SLC16A2: variants seen among roughly 807,000 people sequenced by gnomAD.
SLC16A2 encodes the protein solute carrier family 16 member 2.
Under a neutral mutation model 27.2 loss-of-function variants are expected in SLC16A2, and 3 were observed. The ratio of observed to expected loss-of-function variants is 0.11; its 90% confidence interval spans 0.05 to 0.28. The LOEUF (loss-of-function observed/expected upper bound fraction) is 0.28. Among genes scored for constraint, SLC16A2 ranks in the 10% least tolerant of loss-of-function variants. The probability of loss-of-function intolerance (pLI) is 1.00; values close to 1 mark genes in which losing one functional copy is unlikely to be tolerated. For missense variants in SLC16A2, 295 were observed against 458.5 expected (o/e 0.64, Z 3.26); for synonymous variants, 202 against 187.8 (o/e 1.08, Z -0.62).
chrX:74,446,964 C>A (rs962064629), intron 1 of SLC16A2, among the ~76,000 whole-genome samples: 7 of 112,425 alleles, frequency 6.2e-5, no homozygotes, highest in Non-Finnish European at 1.1e-4. Context: ...CCTTTAGGTT[C>A]AACCTCCTGC....
intron 1 of SLC16A2, among the ~76,000 whole-genome samples, chrX:74,512,010 C>T (rs898548319): frequency 8.9e-6 from 1 of 111,890 alleles, no homozygotes; most frequent in Non-Finnish European, 1.9e-5. Flanking sequence ...CAGCTGACCC[C>T]TGAAGTGCCT....
chrX:74,526,059 G>T (rs1930483597), intron 4 of SLC16A2, among the ~76,000 whole-genome samples, 166 bp downstream of exon 4: 1 of 112,273 alleles, frequency 8.9e-6, no homozygotes, highest in Non-Finnish European at 1.9e-5. Flanking sequence ...AATCATCCTT[G>T]TTCTGCCTCT....
intron 1 of SLC16A2, among the ~76,000 whole-genome samples, chrX:74,448,393 G>A (rs1012421107): frequency 1.9e-5 from 2 of 105,713 alleles, no homozygotes; most frequent in Non-Finnish European, 3.9e-5. Flanking sequence ...GAAAGTAAGG[G>A]CAGAGCATGT....
At chrX:74,451,469 T>C (rs1022124724) in intron 1 of SLC16A2, among the ~76,000 whole-genome samples, 1 of 112,469 alleles carries the variant, frequency 8.9e-6, no homozygotes, top group African/African-American at 3.2e-5. Flanking sequence ...TCTGACTGTG[T>C]GAGATTATTC....
intron 1 of SLC16A2, among the ~76,000 whole-genome samples, chrX:74,504,478 T>C (rs1276626046): frequency 8.9e-6 from 1 of 112,082 alleles, no homozygotes; most frequent in Admixed American, 9.5e-5. Flanking sequence ...TTTGCCCTAC[T>C]GAGGGCCTGG....
chrX:74,484,648 T>C (rs1929683103), intron 1 of SLC16A2, among the ~76,000 whole-genome samples: 1 of 112,208 alleles, frequency 8.9e-6, no homozygotes. Flanking sequence ...GAGGAGGAAG[T>C]CCATTCAGAT....
chrX:74,520,891 T>A, intron 1 of SLC16A2, 99 bp from the exon 2 acceptor site: 3 of 968,335 alleles, frequency 3.1e-6, no homozygotes, highest in Non-Finnish European at 4.4e-6. Context: ...ACCAATGCAA[T>A]GCCCCCTGTG....
chrX:74,480,334 G>C (rs1280196214), intron 1 of SLC16A2, among the ~76,000 whole-genome samples: 3 of 112,685 alleles, frequency 2.7e-5, no homozygotes, highest in Non-Finnish European at 3.8e-5. Context: ...CATTGGAAAA[G>C]TGCAGTATTA....
In SLC16A2 at chrX:74,531,269, G is replaced by T. The variant is rs977250228; in HGVS notation, c.1400-64G>T. 6 of 992,839 alleles carry T rather than the reference G, an allele frequency of 6.0e-6. No individual in the cohort carries two copies. The Admixed American group carries it at 1.1e-4, about 18-fold the overall frequency. 81.8% of individuals were successfully genotyped at this position (992,839 alleles called of 1,213,427 possible). On this transcript the variant is annotated intron_variant, in intron 5 of 5. Transcript: ENST00000587091. The stretch of plus-strand genomic sequence containing the variant: ...GGCACTGTGATGGCCCCTAGAACGG[G>T]CTGAGAGTACCTTTGGACAGTAGGG...
intron 3 of SLC16A2, among the ~76,000 whole-genome samples, chrX:74,525,040 G>T (rs1930469271): frequency 8.9e-6 from 1 of 111,847 alleles, no homozygotes; most frequent in Non-Finnish European, 1.9e-5. Context: ...ATGGACCATG[G>T]CTTCTCCCAC....
At position 74,477,730 on chromosome X, in the gene SLC16A2, C is replaced by T. The variant is rs937722046; in HGVS notation, c.431-43260C>T. Reference sequence around the variant, plus strand: ...AACATCTTTATTTCTGCCTTCATTTCGTTATGTACCCAGTAGTCATTCAGG... The same window carrying T: ...AACATCTTTATTTCTGCCTTCATTTTGTTATGTACCCAGTAGTCATTCAGG... On this transcript the variant is annotated intron_variant, in intron 1 of 5. Coordinates refer to ENST00000587091, the MANE Select transcript of SLC16A2 (RefSeq NM_006517.5). Among the ~76,000 whole-genome samples the T allele has an allele frequency of 2.2e-4, 25 of 111,877 alleles. No individual in the cohort carries two copies. The East Asian group carries it at 3.1e-3, about 14-fold the overall frequency.
intron 1 of SLC16A2, among the ~76,000 whole-genome samples, chrX:74,438,661 G>T (rs753659560): frequency 8.9e-6 from 1 of 112,375 alleles, no homozygotes; most frequent in Non-Finnish European, 1.9e-5. Flanking sequence ...TAGCCTCATA[G>T]CTGTACAGGT....
intron 1 of SLC16A2, among the ~76,000 whole-genome samples, chrX:74,446,206 T>C (rs1225962940): frequency 1.8e-5 from 2 of 111,208 alleles, no homozygotes; most frequent in African/African-American, 6.6e-5. Context: ...TCTGTCCAAG[T>C]CTAGAATTCC....
At chrX:74,443,274 G>T (rs1224632748) in intron 1 of SLC16A2, among the ~76,000 whole-genome samples, 4 of 111,424 alleles carry the variant, frequency 3.6e-5, no homozygotes, top group East Asian at 5.6e-4. Context: ...CTCTCAAGCC[G>T]AGGGTCATCT....
At chrX:74,438,520 A>C (rs1184512919) in intron 1 of SLC16A2, among the ~76,000 whole-genome samples, 1 of 112,802 alleles carries the variant, frequency 8.9e-6, no homozygotes, top group Non-Finnish European at 1.9e-5. Flanking sequence ...TGACACAGAC[A>C]ATTAAAAGTG....
chrX:74,507,024 C>T (rs1337893035), intron 1 of SLC16A2, among the ~76,000 whole-genome samples: 1 of 108,100 alleles, frequency 9.3e-6, no homozygotes, highest in Non-Finnish European at 1.9e-5. Flanking sequence ...CCTCGATCTC[C>T]TGCTCAAGCG....
At chrX:74,503,816 C>A (rs1307021377) in intron 1 of SLC16A2, among the ~76,000 whole-genome samples, 1 of 112,108 alleles carries the variant, frequency 8.9e-6, no homozygotes, top group East Asian at 2.8e-4. Context: ...GGATTGGATG[C>A]CAACTCTACC....
At chrX:74,446,515 G>A (rs192722643) in intron 1 of SLC16A2, among the ~76,000 whole-genome samples, 1 of 111,561 alleles carries the variant, frequency 9.0e-6, no homozygotes, top group East Asian at 2.8e-4. Context: ...CACCTACTTA[G>A]GAGGCTGAGG....
At chrX:74,465,733 G>T (rs1163426410) in intron 1 of SLC16A2, among the ~76,000 whole-genome samples, 1 of 111,525 alleles carries the variant, frequency 9.0e-6, no homozygotes, top group East Asian at 2.8e-4. Flanking sequence ...GAAATGGGAT[G>T]CATTGTTCTC....
Sources: allele counts gnomAD v4.1 joint callset (sites outside exome capture counted in the v4.1 genomes callset), GRCh38; gene constraint gnomAD v4.1.1; transcripts MANE v1.5; gene names NCBI Gene and HGNC (gene_info 2026-07-23, HGNC 2026-07-21).